The following CPNE4 variants were observed in gnomAD, a reference collection of about 807,000 sequenced individuals.
The protein encoded by CPNE4 is copine 4.
Under a neutral mutation model 67.9 loss-of-function variants are expected in CPNE4, and 25 were observed. That is an observed-to-expected ratio of 0.37 (90% CI 0.27 to 0.51). The LOEUF (loss-of-function observed/expected upper bound fraction) is 0.51, where lower values mean the gene tolerates loss of function less well. Ranked by LOEUF, CPNE4 falls within the 20% of genes least tolerant of loss-of-function variation. The pLI is 0.93. For missense variants in CPNE4, 464 were observed against 690.8 expected, an observed-to-expected ratio of 0.67 and a Z score of 3.68; for synonymous variants, 242 against 244.9, an observed-to-expected ratio of 0.99 and a Z score of 0.11.
chr3:131,915,735 C>A (rs1280031676), intron 1 of CPNE4, among the ~76,000 whole-genome samples: 3 of 152,030 alleles, frequency 2.0e-5, no homozygotes, highest in Non-Finnish European at 4.4e-5. Flanking sequence ...AACGGAGAGA[C>A]CAAAAGAAAA....
At chr3:131,693,112 A>G (rs1458204816) in intron 5 of CPNE4, among the ~76,000 whole-genome samples, 1 of 152,184 alleles carries the variant, frequency 6.6e-6, no homozygotes, top group African/African-American at 2.4e-5. Context: ...GATGATTGCT[A>G]GTCTGTTGAA....
intron 2 of CPNE4, among the ~76,000 whole-genome samples, chr3:131,864,557 G>A (rs1302279563): frequency 6.6e-6 from 1 of 151,794 alleles, no homozygotes; most frequent in Non-Finnish European, 1.5e-5. Flanking sequence ...CATTGATTTT[G>A]TATCCTGAGA....
At chr3:131,871,368 G>A (rs768100105) in intron 2 of CPNE4, among the ~76,000 whole-genome samples, 21 of 152,060 alleles carry the variant, frequency 1.4e-4, no homozygotes, top group Non-Finnish European at 2.6e-4. Context: ...GGATGACTGA[G>A]GAGTCTTCTT....
chr3:131,687,604 T>C (rs1252968232), intron 5 of CPNE4, among the ~76,000 whole-genome samples: 1 of 152,256 alleles, frequency 6.6e-6, no homozygotes, highest in Non-Finnish European at 1.5e-5. Flanking sequence ...TCAAACTCGT[T>C]ATTTTCCTTT....
chr3:131,998,541 T>C (rs2073351901), intron 1 of CPNE4, among the ~76,000 whole-genome samples: 1 of 152,098 alleles, frequency 6.6e-6, no homozygotes, highest in Non-Finnish European at 1.5e-5. Flanking sequence ...AACCCAGGTA[T>C]TGAACGTGTT....
intron 2 of CPNE4, among the ~76,000 whole-genome samples, chr3:131,766,734 G>GAA (rs200580677): frequency 6.6e-6 from 1 of 151,660 alleles, no homozygotes; most frequent in African/African-American, 2.4e-5. Flanking sequence ...CGTTATATTA[G>GAA]AAAAAAAACA....
intron 2 of CPNE4, among the ~76,000 whole-genome samples, chr3:131,849,203 C>T (rs954322697): frequency 4.6e-5 from 7 of 152,078 alleles, no homozygotes; most frequent in East Asian, 1.9e-4. Flanking sequence ...TTGACTTTGG[C>T]CTTGTCCATG....
At chr3:131,976,081 G>GTTGT (rs1553820173) in intron 1 of CPNE4, among the ~76,000 whole-genome samples, 40 of 136,678 alleles carry the variant, frequency 2.9e-4, no homozygotes, top group African/African-American at 1.1e-3. Flanking sequence ...AATATTGTTG[G>GTTGT]TTTTTTTTTT....
intron 2 of CPNE4, among the ~76,000 whole-genome samples, chr3:131,817,895 C>T (rs1239997483): frequency 6.6e-6 from 1 of 152,186 alleles, no homozygotes; most frequent in East Asian, 1.9e-4. Context: ...AGAAACACCA[C>T]CTACTCACAT....
intron 1 of CPNE4, among the ~76,000 whole-genome samples, chr3:132,024,901 T>G (rs2074084049): frequency 6.6e-6 from 1 of 152,278 alleles, no homozygotes; most frequent in Admixed American, 6.5e-5. Flanking sequence ...GGAGACAAAA[T>G]TCATGGCTTG....
At chr3:131,753,079 T>C (rs1389841473) in intron 2 of CPNE4, among the ~76,000 whole-genome samples, 1 of 151,634 alleles carries the variant, frequency 6.6e-6, no homozygotes, top group East Asian at 1.9e-4. Context: ...GGTATAGGAA[T>C]AAACAAATAG....
At position 131,542,661 on chromosome 3, in the gene CPNE4, C is replaced by T; in HGVS notation, c.1435G>A (p.Asp479Asn). ...TCATCACCGTCCAGCATCTGCATGT[C>T]ACTGAAGTCAGCGTTCCCTACTCCC... is the stretch of plus-strand genomic sequence containing the variant. Reference protein sequence around the residue: ...IVGVGNADFSDMQMLDGDDGI... With the variant: ...IVGVGNADFSNMQMLDGDDGI... The change falls in exon 15 of 16, where the codon GAC becomes AAC. Residue 479 changes from aspartate (D) to asparagine (N), a missense_variant. Around this residue, in one of 6 missense-constraint regions of CPNE4, gnomAD observed 201 missense variants for 357.7 expected, o/e 0.56. Transcript: ENST00000429747. 6.2e-7 allele frequency: 1 copy of T among 1,614,112 alleles called. No individual in the cohort carries two copies. Among genetic ancestry groups the T allele is most frequent in the Non-Finnish European group, 8.5e-7 (1 of 1,179,990 alleles).
chr3:132,033,536 A>G (rs1029956221), intron 1 of CPNE4, among the ~76,000 whole-genome samples: 2 of 150,784 alleles, frequency 1.3e-5, no homozygotes, highest in East Asian at 3.9e-4. Flanking sequence ...TCCACTTCCC[A>G]ACCACCCACA....
At position 131,909,228 on chromosome 3, in the gene CPNE4, C is replaced by G. The variant is rs549627890; in HGVS notation, c.-1-3784G>C. On this transcript the variant is annotated intron_variant, in intron 1 of 15. Transcript: ENST00000429747. Reference sequence around the variant, plus strand: ...TCAGACAGTAAAACAATGGTGACAGCTCTTCTAATATTGTGAAGCTGCTTT... The same window carrying G: ...TCAGACAGTAAAACAATGGTGACAGGTCTTCTAATATTGTGAAGCTGCTTT... Among the ~76,000 whole-genome samples, 12 of 152,302 alleles carry G rather than the reference C, an allele frequency of 7.9e-5. No homozygotes were observed. The South Asian group carries it at 1.9e-3, about 24-fold the overall frequency.
chr3:131,952,624 G>A (rs185511131), intron 1 of CPNE4, among the ~76,000 whole-genome samples: 54,835 of 135,444 alleles, frequency 0.4, 12,072 homozygotes, highest in East Asian at 0.54. Flanking sequence ...AGGTGGGGGG[G>A]TCAGCCCCCC....
chr3:131,952,181 T>C lies in CPNE4; in HGVS notation c.-1-46737A>G, dbSNP rs556039387. On this transcript the variant is annotated intron_variant, in intron 1 of 15. Coordinates refer to ENST00000429747, the MANE Select transcript of CPNE4 (RefSeq NM_130808.3). ...AGGAGCATCTCTGCCCGGCCGCCCA[T>C]CGTCTGAGATGTGGGGAGCGCCTCT... 3.5e-4 allele frequency among the ~76,000 whole-genome samples: 49 copies of C among 141,500 alleles called. No homozygotes were observed. In the East Asian group the frequency reaches 4.4e-3, roughly 13 times the overall value. The allele number at this position is 141,500 out of a possible 152,430, so 92.8% of individuals were successfully genotyped here. A position where few individuals can be genotyped will look rare whatever the true frequency, so the allele number is the denominator to read the frequency against.
chr3:131,860,702 T>C (rs2086641076), intron 2 of CPNE4, among the ~76,000 whole-genome samples: 1 of 150,948 alleles, frequency 6.6e-6, no homozygotes. Flanking sequence ...TATCTGGAAA[T>C]AGGGGTTATA....
At chr3:131,806,029 G>A (rs1307119366) in intron 2 of CPNE4, among the ~76,000 whole-genome samples, 4 of 152,144 alleles carry the variant, frequency 2.6e-5, no homozygotes, top group East Asian at 1.9e-4. Flanking sequence ...TTATTAACAT[G>A]CAGCTAGAAC....
chr3:131,675,573 T>C (rs1207937451), intron 6 of CPNE4, among the ~76,000 whole-genome samples: 1 of 152,180 alleles, frequency 6.6e-6, no homozygotes, highest in Non-Finnish European at 1.5e-5. Context: ...TTTTTTTCTC[T>C]TTTCATTGTT....
Sources: allele counts gnomAD v4.1 joint callset (sites outside exome capture counted in the v4.1 genomes callset), GRCh38; gene constraint gnomAD v4.1.1; regional missense constraint gnomAD v4.1.1; transcripts MANE v1.5; gene names NCBI Gene and HGNC (gene_info 2026-07-23, HGNC 2026-07-21).